The following BTRC variants were observed in gnomAD, a reference collection of about 807,000 sequenced individuals.
BTRC encodes beta-transducin repeat containing E3 ubiquitin protein ligase.
Under a neutral mutation model 85.5 loss-of-function variants are expected in BTRC, and 42 were observed. That is an observed-to-expected ratio of 0.49 (90% CI 0.38 to 0.64). The LOEUF (loss-of-function observed/expected upper bound fraction) is 0.64. Ranked by LOEUF, BTRC falls within the 30% of genes least tolerant of loss-of-function variation. The probability of loss-of-function intolerance (pLI) is 0.00; values close to 1 mark genes in which losing one functional copy is unlikely to be tolerated. For missense variants in BTRC, 594 were observed against 743.5 expected (o/e 0.80, Z 2.34); for synonymous variants, 255 against 263.3 (o/e 0.97, Z 0.30).
chr10:101,354,299 C>G (rs1249248150), intron 1 of BTRC, 71 bp downstream of exon 1: 1 of 1,509,814 alleles, frequency 6.6e-7, no homozygotes, highest in African/African-American at 1.4e-5. Flanking sequence ...CTGGGCCGCC[C>G]GCCCACTGCG....
chr10:101,398,212 A>G (rs1418099489), intron 1 of BTRC, among the ~76,000 whole-genome samples: 3 of 152,230 alleles, frequency 2.0e-5, no homozygotes, highest in Non-Finnish European at 2.9e-5. Flanking sequence ...AGGTGGAAGA[A>G]GGTGGAGTTC....
At position 101,535,465 on chromosome 10, in the gene BTRC, A is replaced by G; in HGVS notation, c.1459A>G (p.Thr487Ala). Residue 487 changes from threonine (T) to alanine (A), a missense_variant, in exon 11 of 15, where the codon ACT becomes GCT. Thr to Ala is a moderately conservative substitution (Grantham distance 58, BLOSUM62 0). This residue lies in a region of BTRC where 373 missense variants were observed against 503.6 expected (regional missense o/e 0.74). Transcript: ENST00000370187. Reference sequence around the variant, plus strand: ...GGTAGTGAGTGGCTCATCTGACAACACTATCAGGTGAGCAGCAAGTGCCTT... The same window carrying G: ...GGTAGTGAGTGGCTCATCTGACAACGCTATCAGGTGAGCAGCAAGTGCCTT... Reference protein sequence around the residue: ...RLVVSGSSDNTIRLWDIECGA... With the variant: ...RLVVSGSSDNAIRLWDIECGA... 1 of 1,607,974 alleles carries G rather than the reference A, an allele frequency of 6.2e-7. No individual in the cohort carries two copies. The highest frequency in any genetic ancestry group is 8.5e-7 in the Non-Finnish European group (1 of 1,175,074).
chr10:101,481,550 A>G (rs1456040975), intron 4 of BTRC, among the ~76,000 whole-genome samples: 1 of 146,344 alleles, frequency 6.8e-6, no homozygotes, highest in African/African-American at 2.5e-5. Context: ...GTGTGTCTAT[A>G]TGATGTGGAG....
chr10:101,504,141 CAT>C (rs1564811500), intron 4 of BTRC, among the ~76,000 whole-genome samples: 1 of 152,168 alleles, frequency 6.6e-6, no homozygotes, highest in African/African-American at 2.4e-5. Context: ...GTAATCTTAA[CAT>C]AATTTGACAT....
At chr10:101,453,851 G>C (rs956377938) in intron 2 of BTRC, among the ~76,000 whole-genome samples, 3 of 152,188 alleles carry the variant, frequency 2.0e-5, no homozygotes, top group Non-Finnish European at 2.9e-5. Context: ...TGTCTGTAAA[G>C]GGGCAGATAA....
intron 1 of BTRC, among the ~76,000 whole-genome samples, chr10:101,415,459 C>T (rs10883645): frequency 0.48 from 50,994 of 105,628 alleles, 10,817 homozygotes; most frequent in Middle Eastern, 0.57. Context: ...CCAGCCACCA[C>T]TTTTATTTTA....
chr10:101,406,921 C>T (rs1052893970), intron 1 of BTRC, among the ~76,000 whole-genome samples: 5 of 152,104 alleles, frequency 3.3e-5, no homozygotes, highest in African/African-American at 4.8e-5. Context: ...ATAATTGTGT[C>T]GGTTTTTAAA....
chr10:101,443,622 A>C (rs552722579), intron 2 of BTRC, among the ~76,000 whole-genome samples: 1 of 152,226 alleles, frequency 6.6e-6, no homozygotes, highest in South Asian at 2.1e-4. Flanking sequence ...AATTTCTTCT[A>C]TGTAATCTTC....
At chr10:101,536,465 T>G in intron 11 of BTRC, 78 bp from the exon 12 acceptor site, 1 of 996,428 alleles carries the variant, frequency 1.0e-6, no homozygotes. Context: ...TTAGAAGGCA[T>G]ATGAGGTGTA....
chr10:101,394,843 T>G (rs905139953), intron 1 of BTRC, among the ~76,000 whole-genome samples: 4 of 152,184 alleles, frequency 2.6e-5, no homozygotes, highest in African/African-American at 9.6e-5. Context: ...AGCACAGATT[T>G]CTTACACATA....
At chr10:101,419,014 C>CTTTT (rs1331387470) in intron 1 of BTRC, among the ~76,000 whole-genome samples, 5 of 142,832 alleles carry the variant, frequency 3.5e-5, no homozygotes, top group African/African-American at 5.1e-5. Flanking sequence ...TTCTTTCTTT[C>CTTTT]TTTTTTTTTT....
intron 6 of BTRC, among the ~76,000 whole-genome samples, chr10:101,529,728 T>C (rs547758990): frequency 2.6e-5 from 4 of 152,306 alleles, no homozygotes; most frequent in East Asian, 3.9e-4. Context: ...ACCTTCCTGA[T>C]AGGAAATTTT....
intron 6 of BTRC, among the ~76,000 whole-genome samples, chr10:101,528,389 A>G (rs1050352987): frequency 3.3e-5 from 5 of 152,212 alleles, no homozygotes; most frequent in African/African-American, 1.2e-4. Flanking sequence ...AAAAACAATC[A>G]TTGAGAAGAT....
intron 1 of BTRC, among the ~76,000 whole-genome samples, chr10:101,360,394 G>A (rs1205396563): frequency 1.8e-5 from 2 of 113,190 alleles, no homozygotes. Flanking sequence ...TTTTTTTTGA[G>A]ATGGAGTCTT....
At chr10:101,404,379 G>C (rs1211392667) in intron 1 of BTRC, among the ~76,000 whole-genome samples, 1 of 152,018 alleles carries the variant, frequency 6.6e-6, no homozygotes, top group Non-Finnish European at 1.5e-5. Context: ...TTCACCGTCT[G>C]TGCCATCTTG....
chr10:101,360,539 A>AATTTTTGT (rs1205182602), intron 1 of BTRC, among the ~76,000 whole-genome samples: 3 of 150,828 alleles, frequency 2.0e-5, no homozygotes, highest in Non-Finnish European at 4.4e-5. Context: ...ATCCCTGACT[A>AATTTTTGT]ATTTTTGTAT....
At chr10:101,437,808 A>G (rs920578717) in intron 2 of BTRC, among the ~76,000 whole-genome samples, 3 of 152,114 alleles carry the variant, frequency 2.0e-5, no homozygotes, top group Non-Finnish European at 2.9e-5. Flanking sequence ...GTTCTTTTAT[A>G]TATCTGTGTC....
At chr10:101,400,537 A>C (rs1176166501) in intron 1 of BTRC, among the ~76,000 whole-genome samples, 1 of 152,170 alleles carries the variant, frequency 6.6e-6, no homozygotes, top group Non-Finnish European at 1.5e-5. Context: ...CATAAGTCTA[A>C]TGCTAAGGAT....
chr10:101,401,691 G>A (rs1370232242), intron 1 of BTRC, among the ~76,000 whole-genome samples: 1 of 151,888 alleles, frequency 6.6e-6, no homozygotes, highest in African/African-American at 2.4e-5. Flanking sequence ...AAGAAAAAGA[G>A]GCTGCTTGCA....
Sources: allele counts gnomAD v4.1 joint callset (sites outside exome capture counted in the v4.1 genomes callset), GRCh38; gene constraint gnomAD v4.1.1; regional missense constraint gnomAD v4.1.1; transcripts MANE v1.5; gene names NCBI Gene and HGNC (gene_info 2026-07-23, HGNC 2026-07-21).